Variants in WASHC2C observed in about 807,000 individuals in gnomAD.
WASHC2C encodes WASH complex subunit 2C.
WASHC2C carries 73 observed loss-of-function variants against 142.2 expected under a neutral mutation model. The observed-to-expected ratio is 0.51, with a 90% CI of 0.43 to 0.62. The LOEUF is 0.62. Ranked by LOEUF, WASHC2C falls within the 20% of genes least tolerant of loss-of-function variation. The probability of loss-of-function intolerance (pLI) is 0.00; values close to 1 mark genes in which losing one functional copy is unlikely to be tolerated. For synonymous variants in WASHC2C, 337 were observed against 565.5 expected, an observed-to-expected ratio of 0.60 and a Z score of 5.73; for missense variants, 969 against 1,531.7, an observed-to-expected ratio of 0.63 and a Z score of 6.13.
chr10:45,784,281 TATATATATAC>T (rs1564820160), intron 23 of WASHC2C, among the ~76,000 whole-genome samples: 651 of 9,040 alleles, frequency 0.072, 35 homozygotes, highest in African/African-American at 0.11. Flanking sequence ...TATATATATA[TATATATATAC>T]ACATATATAT....
intron 3 of WASHC2C, among the ~76,000 whole-genome samples, chr10:45,736,791 G>A (rs2051330635): frequency 6.6e-6 from 1 of 151,838 alleles, no homozygotes; most frequent in Non-Finnish European, 1.5e-5. Flanking sequence ...CCTTTATATT[G>A]ACTTAAAATT....
chr10:45,777,106 T>G (rs1554886612), intron 21 of WASHC2C, among the ~76,000 whole-genome samples, 167 bp from the exon 22 acceptor site: 8 of 151,334 alleles, frequency 5.3e-5, no homozygotes, highest in Admixed American at 2.0e-4. Flanking sequence ...GGTGGTGGTG[T>G]TTGTTGCTTC....
upstream of WASHC2C, chr10:45,727,068 C>T (rs575831678): frequency 1.1e-5 from 14 of 1,242,958 alleles, no homozygotes; most frequent in African/African-American, 6.4e-5. Context: ...GCGTTCCTGG[C>T]GTCAGCCCCT....
intron 17 of WASHC2C, among the ~76,000 whole-genome samples, chr10:45,762,341 T>C (rs1289176233): frequency 6.6e-6 from 1 of 151,956 alleles, no homozygotes; most frequent in Non-Finnish European, 1.5e-5. Context: ...GCCTCCTGAG[T>C]AGCTGAGATA....
chr10:45,787,158 G>A lies in WASHC2C; in HGVS notation c.2998G>A (p.Glu1000Lys). 6.4e-7 allele frequency: 1 copy of A among 1,572,460 alleles called. No individual in the cohort carries two copies. The highest frequency in any genetic ancestry group is 8.7e-7 in the Non-Finnish European group (1 of 1,154,316). The change falls in exon 28 of 31, where the codon GAA becomes AAA. Residue 1000 changes from glutamate (E) to lysine (K), a missense_variant. Transcript: ENST00000623400. Reference protein sequence around the residue: ...SSEHRRSHGLESVPVLPGSGE... With the variant: ...SSEHRRSHGLKSVPVLPGSGE... ...TGAACACAGAAGGAGCCACGGTCTG[G>A]AAAGTGTGCCTGTCCTTCCCGGGAG...
chr10:45,784,998 G>A (rs2057923779), intron 25 of WASHC2C, 97 bp downstream of exon 25: 1 of 1,609,254 alleles, frequency 6.2e-7, no homozygotes, highest in Non-Finnish European at 8.5e-7. Context: ...TCCTAGGAGA[G>A]TCGTGCTGCT....
intron 20 of WASHC2C, among the ~76,000 whole-genome samples, chr10:45,772,950 G>T (rs1554885182): frequency 6.6e-6 from 1 of 151,576 alleles, no homozygotes; most frequent in East Asian, 2.0e-4. Context: ...AGAATGTTCT[G>T]CTTGGGAAGG....
intron 5 of WASHC2C, among the ~76,000 whole-genome samples, chr10:45,740,503 G>A (rs1202483088): frequency 2.0e-5 from 3 of 152,210 alleles, no homozygotes; most frequent in African/African-American, 7.2e-5. Flanking sequence ...GTTGCAGTCT[G>A]GTGGGAGAGA....
intron 17 of WASHC2C, among the ~76,000 whole-genome samples, chr10:45,759,617 G>A (rs1371461560): frequency 6.6e-6 from 1 of 152,018 alleles, no homozygotes. Flanking sequence ...TCAGGAGTTG[G>A]AGACCAGGCT....
At chr10:45,786,066 G>A (rs561930887) in intron 26 of WASHC2C, 14 of 268,992 alleles carry the variant, frequency 5.2e-5, no homozygotes, top group South Asian at 8.6e-5. Context: ...TTCTCAGAAC[G>A]CTGTGGAGCT....
intron 26 of WASHC2C, chr10:45,786,397 G>C: frequency 1.5e-6 from 1 of 673,234 alleles, no homozygotes; most frequent in Non-Finnish European, 2.6e-6. Flanking sequence ...CTCCATATCT[G>C]ATCTGGCAGC....
At chr10:45,727,823 C>G (rs1417284362) in intron 2 of WASHC2C, among the ~76,000 whole-genome samples, 1 of 152,018 alleles carries the variant, frequency 6.6e-6, no homozygotes, top group Admixed American at 6.5e-5. Context: ...AGGGATTGCT[C>G]GGGCACTAGG....
At chr10:45,772,235 T>C (rs373902865) in intron 20 of WASHC2C, among the ~76,000 whole-genome samples, 5,099 of 150,310 alleles carry the variant, frequency 0.034, 31 homozygotes, top group East Asian at 0.048. Flanking sequence ...CCAGGGCCTG[T>C]GGGGCAGGGG....
At chr10:45,755,884 T>G (rs2054216737) in intron 15 of WASHC2C, among the ~76,000 whole-genome samples, 1 of 152,198 alleles carries the variant, frequency 6.6e-6, no homozygotes, top group Non-Finnish European at 1.5e-5. Context: ...GGCATAGGAA[T>G]GGATGGAACT....
chr10:45,749,550 C>T (rs2053276132), intron 8 of WASHC2C, among the ~76,000 whole-genome samples: 1 of 150,734 alleles, frequency 6.6e-6, no homozygotes, highest in African/African-American at 2.5e-5. Context: ...TTAGGCCGGG[C>T]TTGGTGGCTC....
chr10:45,770,244 A>C (rs1453960352), intron 20 of WASHC2C, among the ~76,000 whole-genome samples: 5 of 143,660 alleles, frequency 3.5e-5, no homozygotes, highest in African/African-American at 1.1e-4. Flanking sequence ...CCATCTCAAA[A>C]AAAAAAAAAA....
intron 8 of WASHC2C, among the ~76,000 whole-genome samples, chr10:45,747,504 G>A (rs1233502081): frequency 6.6e-6 from 1 of 152,176 alleles, no homozygotes; most frequent in Non-Finnish European, 1.5e-5. Flanking sequence ...TAAACATACT[G>A]AGTATGATAC....
intron 20 of WASHC2C, among the ~76,000 whole-genome samples, chr10:45,771,993 A>G (rs1330121849): frequency 1.3e-5 from 2 of 152,268 alleles, no homozygotes; most frequent in Non-Finnish European, 2.9e-5. Flanking sequence ...AAGTGTAAAC[A>G]ACCCAAATGT....
Position 45,728,786 on chromosome 10 carries a change from G to T in WASHC2C, c.127-76G>T, listed in dbSNP as rs1375255991. 2.0e-6 allele frequency: 3 copies of T among 1,498,362 alleles called. No individual in the cohort carries two copies. In the African/African-American group the frequency reaches 4.3e-5, roughly 21 times the overall value. The allele number at this position is 1,498,362 out of a possible 1,614,324, so 92.8% of individuals were successfully genotyped here. ...CTAACACTCAAAGGTGAAAGGAAATGGGTTCTTTTTTGATGTGACATGCAG... is the reference window on the plus strand; with the variant it reads ...CTAACACTCAAAGGTGAAAGGAAATTGGTTCTTTTTTGATGTGACATGCAG... On this transcript the variant is annotated intron_variant, in intron 2 of 30. Coordinates refer to ENST00000623400, the MANE Select transcript of WASHC2C (RefSeq NM_001330074.2).
Sources: gnomAD v4.1 joint callset for allele counts (sites outside exome capture counted in the v4.1 genomes callset) on GRCh38, gnomAD v4.1.1 for gene constraint, MANE v1.5 for transcripts, NCBI Gene and HGNC (gene_info 2026-07-23, HGNC 2026-07-21) for gene names.